YPEL5: variants seen among roughly 807,000 people sequenced by gnomAD.
The protein encoded by YPEL5 is yippee like 5.
A neutral mutation model predicts 10.5 loss-of-function variants in YPEL5; 1 was observed. That is an observed-to-expected ratio of 0.10 (90% CI 0.03 to 0.45). YPEL5 has a LOEUF of 0.45. Ranked by LOEUF, YPEL5 falls within the 20% of genes least tolerant of loss-of-function variation. The probability of loss-of-function intolerance (pLI) is 0.97; values close to 1 mark genes in which losing one functional copy is unlikely to be tolerated. For missense variants in YPEL5, 68 were observed against 159.3 expected (o/e 0.43, Z 3.09); for synonymous variants, 61 against 56.6 (o/e 1.08, Z -0.35).
chr2:30,151,459 C>A (rs1675788674), intron 1 of YPEL5, among the ~76,000 whole-genome samples: 2 of 152,132 alleles, frequency 1.3e-5, no homozygotes, highest in Non-Finnish European at 2.9e-5. Flanking sequence ...GAAAATAATA[C>A]TAAAGTACGA....
At position 30,148,696 on chromosome 2, in the gene YPEL5, T is replaced by C. The variant is rs17009169; in HGVS notation, c.-25+1634T>C. Among the ~76,000 whole-genome samples the C allele has an allele frequency of 9.0e-3, 1,371 of 152,322 alleles. 25 individuals carry two copies. Among genetic ancestry groups the C allele is most frequent in the African/African-American group, 0.032 (1,317 of 41,560 alleles). ...AAAATAATGTTACCTGGTTGGATCA[T>C]TGCGAACTTTTCTCTAGACTAATTT... On this transcript the variant is annotated intron_variant, in intron 1 of 2. Transcript: ENST00000261353.
In YPEL5 at chr2:30,156,541, A is replaced by G. The variant is rs1021911048; in HGVS notation, c.-24-87A>G. 16 of 1,229,400 alleles carry G rather than the reference A, an allele frequency of 1.3e-5. No individual in the cohort carries two copies. The South Asian group carries it at 2.2e-4, about 17-fold the overall frequency. 76.2% of individuals were successfully genotyped at this position (1,229,400 alleles called of 1,614,324 possible). On this transcript the variant is annotated intron_variant, in intron 1 of 2. Transcript: ENST00000261353. ...CAAAGCAGAGATTACATAAATACGT[A>G]TACAAATTGTTCTCTATGACACCCC...
chr2:30,153,707 T>C (rs1675915286), intron 1 of YPEL5, among the ~76,000 whole-genome samples: 1 of 152,256 alleles, frequency 6.6e-6, no homozygotes, highest in Non-Finnish European at 1.5e-5. Flanking sequence ...CATTCTAACT[T>C]ATCTTTCTTA....
At chr2:30,150,093 A>G (rs1256770319) in intron 1 of YPEL5, among the ~76,000 whole-genome samples, 3 of 152,216 alleles carry the variant, frequency 2.0e-5, no homozygotes, top group Non-Finnish European at 4.4e-5. Flanking sequence ...CAGAACTGTG[A>G]CATGCTTCAG....
chr2:30,151,184 A>G (rs1224020059), intron 1 of YPEL5, among the ~76,000 whole-genome samples: 1 of 152,224 alleles, frequency 6.6e-6, no homozygotes, highest in Non-Finnish European at 1.5e-5. Context: ...AAATTGTTTT[A>G]TTGATGTGGA....
chr2:30,148,412 T>G (rs1418629565), intron 1 of YPEL5: 1 of 151,086 alleles, frequency 6.6e-6, no homozygotes, highest in Non-Finnish European at 1.5e-5. Context: ...ATATAGAGCG[T>G]CGCAGCTGCA....
In YPEL5 at chr2:30,153,348, G is replaced by A. The variant is rs1353977750; in HGVS notation, c.-24-3280G>A. On this transcript the variant is annotated intron_variant, in intron 1 of 2. Coordinates refer to ENST00000261353, the MANE Select transcript of YPEL5 (RefSeq NM_016061.3). ...AACATAAGATTCAATGTCTGTTGAT[G>A]GTACCTTTTAGCTTCGTCCTCACAT... is the stretch of plus-strand genomic sequence containing the variant. Among the ~76,000 whole-genome samples the A allele has an allele frequency of 9.9e-5, 15 of 152,150 alleles. 1 individual carries two copies.
intron 1 of YPEL5, among the ~76,000 whole-genome samples, chr2:30,150,765 A>G (rs967632712): frequency 6.6e-6 from 1 of 152,336 alleles, no homozygotes; most frequent in Middle Eastern, 3.4e-3. Context: ...CACTATCAGA[A>G]TGTGTTTTTA....
At chr2:30,151,033 C>T (rs1419581765) in intron 1 of YPEL5, among the ~76,000 whole-genome samples, 1 of 152,116 alleles carries the variant, frequency 6.6e-6, no homozygotes, top group African/African-American at 2.4e-5. Context: ...GTGGGCAGTA[C>T]AGAAACAGGT....
At chr2:30,153,644 T>C (rs1675913116) in intron 1 of YPEL5, among the ~76,000 whole-genome samples, 1 of 152,208 alleles carries the variant, frequency 6.6e-6, no homozygotes, top group Non-Finnish European at 1.5e-5. Context: ...TTCTACTTCC[T>C]AAAGACCTTT....
rs1390634546 is a variant in YPEL5 at position 30,160,200 on chromosome 2, C to T, written c.*1357C>T. 6.6e-6 allele frequency: 1 copy of T among 152,426 alleles called. No homozygotes were observed. The highest frequency in any genetic ancestry group is 2.4e-5 in the African/African-American group (1 of 41,430). 9.4% of individuals were successfully genotyped at this position (152,426 alleles called of 1,614,324 possible). ...GTTTTGCATGCTCAATTTCTAGGTCCTTTGTCTAGAAAGGAAATTTGCCTC... is the reference window on the plus strand; with the variant it reads ...GTTTTGCATGCTCAATTTCTAGGTCTTTTGTCTAGAAAGGAAATTTGCCTC... On this transcript the variant is annotated 3_prime_UTR_variant, in exon 3 of 3. Coordinates refer to ENST00000261353, the MANE Select transcript of YPEL5 (RefSeq NM_016061.3).
At chr2:30,147,600 G>C (rs1675508824) in intron 1 of YPEL5, 1 of 151,816 alleles carries the variant, frequency 6.6e-6, no homozygotes, top group African/African-American at 2.4e-5. Context: ...TGACCGCACG[G>C]CGTGAACCGT....
intron 1 of YPEL5, among the ~76,000 whole-genome samples, chr2:30,153,123 G>C (rs918231687): frequency 6.6e-6 from 1 of 152,016 alleles, no homozygotes; most frequent in Non-Finnish European, 1.5e-5. Flanking sequence ...GGATGGTTTC[G>C]ATCTCCTGAC....
At chr2:30,152,890 GTTTT>G (rs373848986) in intron 1 of YPEL5, among the ~76,000 whole-genome samples, 9 of 122,714 alleles carry the variant, frequency 7.3e-5, no homozygotes, top group South Asian at 2.5e-4. Context: ...ACTGTCCTTT[GTTTT>G]TTTTTTTTTT....
At chr2:30,153,794 C>G (rs1675918529) in intron 1 of YPEL5, among the ~76,000 whole-genome samples, 1 of 152,136 alleles carries the variant, frequency 6.6e-6, no homozygotes, top group Admixed American at 6.5e-5. Flanking sequence ...AATAGTGTAA[C>G]ATAAGGTTTT....
intron 1 of YPEL5, 91 bp from the exon 2 acceptor site, chr2:30,156,537 A>T (rs1676045886): frequency 3.4e-6 from 4 of 1,171,886 alleles, no homozygotes; most frequent in Non-Finnish European, 2.5e-6. Context: ...TTACATAAAT[A>T]CGTATACAAA....
intron 1 of YPEL5, among the ~76,000 whole-genome samples, chr2:30,147,266 G>A (rs1290077023): frequency 6.6e-6 from 1 of 151,758 alleles, no homozygotes; most frequent in East Asian, 1.9e-4. Flanking sequence ...GACCGCGGGC[G>A]GACGCGCGGG....
intron 1 of YPEL5, among the ~76,000 whole-genome samples, chr2:30,153,211 C>G (rs1311412794): frequency 6.6e-6 from 1 of 152,102 alleles, no homozygotes; most frequent in Non-Finnish European, 1.5e-5. Flanking sequence ...CTTTGTCCTC[C>G]TTAAATAAGT....
intron 2 of YPEL5, among the ~76,000 whole-genome samples, chr2:30,157,800 A>T (rs1676107722): frequency 6.6e-6 from 1 of 152,234 alleles, no homozygotes; most frequent in South Asian, 2.1e-4. Flanking sequence ...TTGATGGCTC[A>T]TACTCTTTGA....
Sources: allele counts gnomAD v4.1 joint callset (sites outside exome capture counted in the v4.1 genomes callset), GRCh38; gene constraint gnomAD v4.1.1; transcripts MANE v1.5; gene names NCBI Gene and HGNC (gene_info 2026-07-23, HGNC 2026-07-21).